PRKG2: variants seen among roughly 807,000 people sequenced by gnomAD.
PRKG2 encodes the protein protein kinase cGMP-dependent 2.
A neutral mutation model predicts 97.2 loss-of-function variants in PRKG2; 33 were observed. That is an observed-to-expected ratio of 0.34 (90% CI 0.26 to 0.45). PRKG2 has a LOEUF of 0.45. Ranked by LOEUF, PRKG2 falls within the 20% of genes least tolerant of loss-of-function variation. The probability of loss-of-function intolerance (pLI) is 1.00; values close to 1 mark genes in which losing one functional copy is unlikely to be tolerated. For missense variants in PRKG2, 638 were observed against 900.0 expected (o/e 0.71, Z 3.73); for synonymous variants, 330 against 321.8 (o/e 1.03, Z -0.27).
intron 6 of PRKG2, among the ~76,000 whole-genome samples, chr4:81,163,956 CAGTT>C (rs1288587547): frequency 2.6e-5 from 4 of 151,596 alleles, no homozygotes; most frequent in African/African-American, 9.7e-5. Context: ...AAATTGTTTA[CAGTT>C]AGTTATTTAT....
chr4:81,115,085 T>C (rs1744378954), intron 14 of PRKG2, among the ~76,000 whole-genome samples: 1 of 152,144 alleles, frequency 6.6e-6, no homozygotes, highest in Non-Finnish European at 1.5e-5. Flanking sequence ...ATTGCAAAAA[T>C]GCTTCTATTA....
At chr4:81,201,436 C>G (rs1232999861) in intron 2 of PRKG2, among the ~76,000 whole-genome samples, 4 of 152,092 alleles carry the variant, frequency 2.6e-5, no homozygotes, top group Admixed American at 1.3e-4. Flanking sequence ...TAGAAAGAAA[C>G]AAATTTCCAG....
chr4:81,180,747 T>C (rs899456679), intron 2 of PRKG2, among the ~76,000 whole-genome samples: 3 of 152,192 alleles, frequency 2.0e-5, no homozygotes, highest in African/African-American at 7.2e-5. Context: ...ATCTGAATAT[T>C]TGATTATTGA....
In PRKG2 at chr4:81,214,961, G is replaced by T. The variant is rs1008511735; in HGVS notation, c.-39C>A. On this transcript the variant is annotated 5_prime_UTR_variant, in exon 1 of 19. Transcript: ENST00000264399. ...CAGACAGCCGGGTAACTTTCCAGGT[G>T]CGCAGCTTGTCACCTCGGCGCGGCC... The T allele has an allele frequency of 6.6e-5, 10 of 152,368 alleles. No individual in the cohort carries two copies. Among genetic ancestry groups the T allele is most frequent in the African/African-American group, 2.4e-4 (10 of 41,470 alleles). The allele number at this position is 152,368 out of a possible 1,614,324, so 9.4% of individuals were successfully genotyped here. A position where few individuals can be genotyped will look rare whatever the true frequency, so the allele number is the denominator to read the frequency against.
chr4:81,132,704 C>T lies in PRKG2; in HGVS notation c.1776+2451G>A, dbSNP rs1026851835. ...GAGGGTAGTCCAATGCAAGCTACTC[C>T]GCCATTAATGACAGCTTTCATTGCA... On this transcript the variant is annotated intron_variant, in intron 14 of 18. Coordinates refer to ENST00000264399, the MANE Select transcript of PRKG2 (RefSeq NM_006259.3). Among the ~76,000 whole-genome samples the T allele has an allele frequency of 1.2e-4, 18 of 152,232 alleles. No individual in the cohort carries two copies. In the East Asian group the frequency reaches 1.5e-3, roughly 13 times the overall value.
At chr4:81,180,508 C>T (rs541622334) in intron 2 of PRKG2, among the ~76,000 whole-genome samples, 63 of 151,992 alleles carry the variant, frequency 4.1e-4, no homozygotes, top group African/African-American at 1.4e-3. Context: ...GAAAGTAGAC[C>T]TTAATAAAAA....
intron 17 of PRKG2, among the ~76,000 whole-genome samples, chr4:81,095,167 G>A (rs1741995501): frequency 6.6e-6 from 1 of 152,122 alleles, no homozygotes; most frequent in South Asian, 2.1e-4. Context: ...AATAGAAAAG[G>A]AACGAAAAAC....
chr4:81,188,103 A>C (rs1194465560), intron 2 of PRKG2, among the ~76,000 whole-genome samples: 1 of 152,200 alleles, frequency 6.6e-6, no homozygotes, highest in Non-Finnish European at 1.5e-5. Flanking sequence ...AAATGGGAGA[A>C]AATTTTTGCA....
chr4:81,148,109 A>T (rs903986394), intron 9 of PRKG2, among the ~76,000 whole-genome samples: 2 of 152,142 alleles, frequency 1.3e-5, no homozygotes, highest in Non-Finnish European at 1.5e-5. Context: ...ATTTTCAATA[A>T]ATGTTGTATT....
chr4:81,148,073 T>C (rs1368997124), intron 9 of PRKG2, among the ~76,000 whole-genome samples: 1 of 152,184 alleles, frequency 6.6e-6, no homozygotes, highest in Non-Finnish European at 1.5e-5. Flanking sequence ...TCTAAAGTTT[T>C]TTCCAGCTCT....
chr4:81,199,546 A>G (rs917659612), intron 2 of PRKG2, among the ~76,000 whole-genome samples: 4 of 152,156 alleles, frequency 2.6e-5, no homozygotes, highest in Non-Finnish European at 4.4e-5. Flanking sequence ...TGTGTGCCTC[A>G]GTTTTCTCAT....
chr4:81,193,606 A>C (rs1560619670), intron 2 of PRKG2, among the ~76,000 whole-genome samples: 2 of 152,074 alleles, frequency 1.3e-5, no homozygotes, highest in Non-Finnish European at 2.9e-5. Context: ...TTGGGAGGCC[A>C]AGGTGGGCAG....
rs537798597 is a variant in PRKG2 at position 81,135,385 on chromosome 4, T to G, written c.1635-89A>C. 2.3e-4 allele frequency: 304 copies of G among 1,329,912 alleles called. 1 individual carries two copies. Among genetic ancestry groups the G allele is most frequent in the Non-Finnish European group, 2.9e-4 (287 of 975,060 alleles). 82.4% of individuals were successfully genotyped at this position (1,329,912 alleles called of 1,614,324 possible). A position where few individuals can be genotyped will look rare whatever the true frequency, so the allele number is the denominator to read the frequency against. ...TCAAATCAATTATTGGATTGGCAGG[T>G]TTATGCAATATAAATATTTTGCAGG... is the stretch of plus-strand genomic sequence containing the variant. On this transcript the variant is annotated intron_variant, in intron 13 of 18. Transcript: ENST00000264399.
intron 15 of PRKG2, 94 bp downstream of exon 15, chr4:81,110,354 T>C: frequency 7.6e-7 from 1 of 1,323,092 alleles, no homozygotes; most frequent in South Asian, 1.5e-5. Flanking sequence ...ATTTTCAAAA[T>C]GTTACGCTCT....
chr4:81,104,471 ATAT>A, intron 16 of PRKG2, 39 bp from the exon 17 acceptor site: 1 of 942,620 alleles, frequency 1.1e-6, no homozygotes, highest in Non-Finnish European at 1.4e-6. Flanking sequence ...TATAATAATT[ATAT>A]TTATAATAAT....
intron 9 of PRKG2, among the ~76,000 whole-genome samples, chr4:81,148,590 G>A (rs1341698546): frequency 1.3e-5 from 2 of 152,098 alleles, no homozygotes; most frequent in Non-Finnish European, 2.9e-5. Flanking sequence ...ATAAGCGAAC[G>A]AATCAACTTA....
chr4:81,141,438 C>T (rs1180451454), intron 11 of PRKG2, among the ~76,000 whole-genome samples: 2 of 152,166 alleles, frequency 1.3e-5, no homozygotes, highest in African/African-American at 4.8e-5. Flanking sequence ...GCTCAACAGT[C>T]ATATCTAGTT....
chr4:81,141,137 A>T (rs1391129779), intron 11 of PRKG2, among the ~76,000 whole-genome samples: 1 of 151,982 alleles, frequency 6.6e-6, no homozygotes, highest in Non-Finnish European at 1.5e-5. Flanking sequence ...CAGCTTCCTG[A>T]GTAGCTGGGA....
At chr4:81,207,258 A>T (rs914339553) in intron 1 of PRKG2, among the ~76,000 whole-genome samples, 2 of 152,214 alleles carry the variant, frequency 1.3e-5, no homozygotes, top group Non-Finnish European at 2.9e-5. Flanking sequence ...AACACGCATC[A>T]GTGACCCATT....
Sources: allele counts gnomAD v4.1 joint callset (sites outside exome capture counted in the v4.1 genomes callset), GRCh38; gene constraint gnomAD v4.1.1; transcripts MANE v1.5; gene names NCBI Gene and HGNC (gene_info 2026-07-23, HGNC 2026-07-21).